LHB: variants seen among roughly 807,000 people sequenced by gnomAD.
LHB encodes the protein lutropin subunit beta.
LHB carries 11 observed loss-of-function variants against 10.6 expected under a neutral mutation model. The observed-to-expected ratio is 1.04, with a 90% CI of 0.66 to 1.72. The LOEUF (loss-of-function observed/expected upper bound fraction) is 1.72, where lower values mean the gene tolerates loss of function less well. Ranked by LOEUF, LHB falls within the 40% of genes most tolerant of loss-of-function variation. LHB has a pLI of 0.00. For missense variants in LHB, 184 were observed against 197.3 expected, an observed-to-expected ratio of 0.93 and a Z score of 0.41; for synonymous variants, 86 against 83.1, an observed-to-expected ratio of 1.03 and a Z score of -0.19.
Position 49,016,241 on chromosome 19 carries a change from C to T in LHB, c.253G>A (p.Glu85Lys), listed in dbSNP as rs370729531. ...GGGCAGCCAGGGAGCCGGATGGACT[C>T]GAAGCGCACATCACGGTAGGTGCAC... ...VVCTYRDVRF[E>K]SIRLPGCPRG... The change falls in exon 3 of 3, where the codon GAG (glutamate) becomes AAG (lysine). Residue 85 changes from glutamate (E) to lysine (K), a missense_variant. By Grantham distance (56) the Glu-to-Lys change is moderately conservative (BLOSUM62 1). Transcript: ENST00000649238. The T allele has an allele frequency of 2.0e-5, 33 of 1,612,312 alleles. No individual in the cohort carries two copies. The highest frequency in any genetic ancestry group is 1.4e-4 in the South Asian group (13 of 91,016).
At chr19:49,018,130 G>A (rs1568648395), upstream of LHB, 2 of 400,100 alleles carry the variant, frequency 5.0e-6, no homozygotes, top group East Asian at 3.6e-5. Context: ...GCAGGGGGCT[G>A]TAGGACTCCT....
upstream of LHB, chr19:49,017,138 G>A (rs985668247): frequency 1.4e-5 from 22 of 1,612,602 alleles, no homozygotes; most frequent in East Asian, 4.5e-5. Context: ...TTGTGGGGGC[G>A]GCAAGGCCAC....
upstream of LHB, chr19:49,018,967 A>G (rs1490734368): frequency 1.3e-6 from 2 of 1,534,010 alleles, no homozygotes; most frequent in African/African-American, 2.7e-5. Context: ...GGCCGGCCAG[A>G]CAGCTCGGGG....
chr19:49,018,747 TTGC>T, upstream of LHB: 4 of 826,244 alleles, frequency 4.8e-6, no homozygotes, highest in Non-Finnish European at 7.5e-6. Context: ...ACTTTGGTTC[TTGC>T]TGCTACAGAA....
At chr19:49,019,319 T>G, upstream of LHB, 2 of 1,185,564 alleles carry the variant, frequency 1.7e-6, no homozygotes, top group Non-Finnish European at 2.1e-6. Context: ...CGTCTTGGTG[T>G]GGCCACTGGA....
At chr19:49,019,131 G>T, upstream of LHB, 2 of 1,427,518 alleles carry the variant, frequency 1.4e-6, no homozygotes, top group Non-Finnish European at 9.1e-7. Flanking sequence ...CTCACACCCC[G>T]CCCCAGGGTT....
upstream of LHB, chr19:49,017,888 TC>T: frequency 2.5e-6 from 1 of 397,958 alleles, no homozygotes; most frequent in Admixed American, 4.4e-5. Context: ...CCGGAACCCT[TC>T]CTAGTGAGCG....
chr19:49,017,936 G>A (rs2039586520), upstream of LHB: 2 of 398,634 alleles, frequency 5.0e-6, no homozygotes, highest in South Asian at 1.3e-4. Context: ...CGGCCCTGGG[G>A]GCGGGTCTGG....
At position 49,016,239 on chromosome 19, in the gene LHB, C is replaced by T. The variant is rs768418646; in HGVS notation, c.255G>A (p.Glu85=). 28 of 1,612,356 alleles carry T rather than the reference C, an allele frequency of 1.7e-5. No homozygotes were observed. Among genetic ancestry groups the T allele is most frequent in the African/African-American group, 2.7e-5 (2 of 74,892 alleles). The change falls in exon 3 of 3, where the codon GAG becomes GAA. Residue 85 remains glutamate (E), a synonymous_variant. Transcript: ENST00000649238. The part of the protein sequence containing the change: ...VVCTYRDVRF[E]SIRLPGCPRG... ...GCGGGCAGCCAGGGAGCCGGATGGACTCGAAGCGCACATCACGGTAGGTGC... is the reference window on the plus strand; with the variant it reads ...GCGGGCAGCCAGGGAGCCGGATGGATTCGAAGCGCACATCACGGTAGGTGC...
At chr19:49,018,171 T>A, upstream of LHB, 1 of 409,652 alleles carries the variant, frequency 2.4e-6, no homozygotes, top group Non-Finnish European at 4.2e-6. Flanking sequence ...CGGTGCGGCA[T>A]GGCCGAGGTC....
chr19:49,019,423 G>A, upstream of LHB: 1 of 1,256,600 alleles, frequency 8.0e-7, no homozygotes, highest in East Asian at 3.1e-5. Flanking sequence ...CCCACCCACA[G>A]CCCGCCGTCT....
intron 1 of LHB, 86 bp from the exon 2 acceptor site, chr19:49,016,800 A>G: frequency 6.3e-7 from 1 of 1,599,908 alleles, no homozygotes; most frequent in Non-Finnish European, 8.5e-7. Flanking sequence ...ACCACCCACA[A>G]AGACCCAGAG....
At chr19:49,019,209 C>G, upstream of LHB, 1 of 1,394,730 alleles carries the variant, frequency 7.2e-7, no homozygotes, top group Non-Finnish European at 9.3e-7. Flanking sequence ...CCTTCCCAGC[C>G]TCACCTCCCT....
upstream of LHB, chr19:49,019,088 C>T (rs1337264905): frequency 6.9e-7 from 1 of 1,447,044 alleles, no homozygotes; most frequent in African/African-American, 1.4e-5. Flanking sequence ...GAATCCCTCT[C>T]CTTCGGCCTC....
At chr19:49,016,838 C>A in intron 1 of LHB, 124 bp from the exon 2 acceptor site, 1 of 1,575,930 alleles carries the variant, frequency 6.3e-7, no homozygotes, top group Non-Finnish European at 8.6e-7. Flanking sequence ...CTATTCAGGA[C>A]CCACCACCCG....
chr19:49,017,328 G>A (rs1211812348), upstream of LHB, among the ~76,000 whole-genome samples: 1 of 152,108 alleles, frequency 6.6e-6, no homozygotes, highest in South Asian at 2.1e-4. Flanking sequence ...CCCAGTTGTC[G>A]AGTGCTAGGG....
chr19:49,019,472 T>TA, upstream of LHB: 22 of 1,241,384 alleles, frequency 1.8e-5, no homozygotes, highest in Non-Finnish European at 2.2e-5. Flanking sequence ...GGTGAGTTTG[T>TA]AGTCCCTGGT....
upstream of LHB, chr19:49,018,489 G>C (rs2039593352): frequency 2.2e-6 from 1 of 451,712 alleles, no homozygotes. Flanking sequence ...CGCGTTGCCT[G>C]CGTTCCTGGG....
upstream of LHB, chr19:49,017,465 AC>A: frequency 8.8e-7 from 1 of 1,139,242 alleles, no homozygotes; most frequent in Non-Finnish European, 1.1e-6. Flanking sequence ...TCAACCCTCC[AC>A]TTGAGGCTTT....
Sources: gnomAD v4.1 joint callset for allele counts (sites outside exome capture counted in the v4.1 genomes callset) on GRCh38, gnomAD v4.1.1 for gene constraint, MANE v1.5 for transcripts, NCBI Gene and HGNC (gene_info 2026-07-23, HGNC 2026-07-21) for gene names.